STAM2: variants seen among roughly 807,000 people sequenced by gnomAD.
STAM2 encodes the protein signal transducing adapter molecule 2.
Under a neutral mutation model 65.6 loss-of-function variants are expected in STAM2, and 51 were observed. The observed-to-expected ratio is 0.78, with a 90% CI of 0.62 to 0.98. STAM2 has a LOEUF of 0.98. STAM2 is among the 50% of genes least tolerant of loss of function. The probability of loss-of-function intolerance (pLI) is 0.00; values close to 1 mark genes in which losing one functional copy is unlikely to be tolerated. For missense variants in STAM2, 584 were observed against 617.8 expected (o/e 0.95, Z 0.58); for synonymous variants, 198 against 208.4 (o/e 0.95, Z 0.43).
intron 11 of STAM2, 149 bp from the exon 12 acceptor site, chr2:152,126,528 AAG>A (rs1294340169): frequency 8.5e-6 from 4 of 472,444 alleles, no homozygotes; most frequent in African/African-American, 6.1e-5. Flanking sequence ...AAGGGAAACT[AAG>A]AGGAAGAACT....
chr2:152,160,687 G>A (rs1168879520), intron 1 of STAM2, among the ~76,000 whole-genome samples: 10 of 148,896 alleles, frequency 6.7e-5, no homozygotes, highest in East Asian at 4.1e-4. Context: ...CACCCCGTCC[G>A]GGAGGGAGGT....
chr2:152,170,307 C>T (rs188520815), intron 1 of STAM2, among the ~76,000 whole-genome samples: 5 of 151,452 alleles, frequency 3.3e-5, no homozygotes, highest in East Asian at 2.0e-4. Context: ...TGTGAAACCC[C>T]GTCTCTACTA....
chr2:152,143,171 T>A (rs911520911), intron 7 of STAM2, among the ~76,000 whole-genome samples: 8 of 152,216 alleles, frequency 5.3e-5, no homozygotes, highest in African/African-American at 1.9e-4. Context: ...AAACCATTAT[T>A]TATCTACCCT....
At chr2:152,141,856 TG>T (rs1456528070) in intron 7 of STAM2, among the ~76,000 whole-genome samples, 1 of 152,130 alleles carries the variant, frequency 6.6e-6, no homozygotes, top group Admixed American at 6.5e-5. Context: ...CCCAAAGTGC[TG>T]GGATTACAGG....
intron 5 of STAM2, among the ~76,000 whole-genome samples, chr2:152,146,091 G>A (rs959851046): frequency 2.0e-5 from 3 of 151,760 alleles, no homozygotes; most frequent in Admixed American, 6.6e-5. Context: ...TCAACATGGT[G>A]AAACCCCGTC....
At position 152,120,398 on chromosome 2, in the gene STAM2, A is replaced by G. The variant is rs1688829044; in HGVS notation, c.*176T>C. The G allele has an allele frequency of 1.3e-5, 5 of 380,952 alleles. No individual in the cohort carries two copies. In the Admixed American group the frequency reaches 2.1e-4, roughly 16 times the overall value. 23.6% of individuals were successfully genotyped at this position (380,952 alleles called of 1,614,324 possible). On this transcript the variant is annotated 3_prime_UTR_variant, in exon 14 of 14. Coordinates refer to ENST00000263904, the MANE Select transcript of STAM2 (RefSeq NM_005843.6). ...TTGACTTCAAACAAACTGGACTGAAAAAAAAAAAAAAAAAAAACCTTTTAT... is the reference window on the plus strand; with the variant it reads ...TTGACTTCAAACAAACTGGACTGAAGAAAAAAAAAAAAAAAAACCTTTTAT...
At chr2:152,147,408 T>G in intron 4 of STAM2, 100 bp from the exon 5 acceptor site, 1 of 1,150,020 alleles carries the variant, frequency 8.7e-7, no homozygotes, top group East Asian at 2.7e-5. Flanking sequence ...TCTCTTTAAT[T>G]ATATGAACAT....
intron 7 of STAM2, among the ~76,000 whole-genome samples, chr2:152,138,627 T>C (rs1285450897): frequency 1.3e-5 from 2 of 152,232 alleles, no homozygotes; most frequent in Non-Finnish European, 2.9e-5. Flanking sequence ...TCTATGATTA[T>C]GAAACATCAT....
chr2:152,169,043 G>A (rs1435246956), intron 1 of STAM2, among the ~76,000 whole-genome samples: 1 of 152,148 alleles, frequency 6.6e-6, no homozygotes, highest in Non-Finnish European at 1.5e-5. Flanking sequence ...TACTACAGGT[G>A]TGAGCCACCA....
At position 152,150,241 on chromosome 2, in the gene STAM2, A is replaced by T. The variant is rs1301252255; in HGVS notation, c.41-12T>A. On this transcript the variant is annotated splice_polypyrimidine_tract_variant and intron_variant, in intron 1 of 13. Transcript: ENST00000263904. ...ATTCGTGGCTTTTTCTATAAAATAT[A>T]TTGGCATACACAACAATGAGGACAC... The T allele has an allele frequency of 3.2e-6, 5 of 1,557,832 alleles. No homozygotes were observed. In the South Asian group the frequency reaches 5.6e-5, roughly 17 times the overall value.
chr2:152,161,512 A>AC (rs1560222745), intron 1 of STAM2, among the ~76,000 whole-genome samples: 2 of 151,532 alleles, frequency 1.3e-5, no homozygotes. Flanking sequence ...AAAAAAAAAA[A>AC]AAAACATTAT....
intron 11 of STAM2, 119 bp from the exon 12 acceptor site, chr2:152,126,498 T>G: frequency 1.8e-6 from 1 of 563,442 alleles, no homozygotes; most frequent in Non-Finnish European, 2.7e-6. Context: ...TTTTTTATAT[T>G]TAATGAAAGA....
At chr2:152,155,496 T>A (rs1353045504) in intron 1 of STAM2, among the ~76,000 whole-genome samples, 9 of 152,182 alleles carry the variant, frequency 5.9e-5, no homozygotes, top group Non-Finnish European at 1.5e-5. Flanking sequence ...AAGTTCTAGT[T>A]CTCCTCTTGT....
At chr2:152,129,350 T>C (rs1689017768) in intron 11 of STAM2, among the ~76,000 whole-genome samples, 1 of 152,154 alleles carries the variant, frequency 6.6e-6, no homozygotes, top group African/African-American at 2.4e-5. Flanking sequence ...GGGGTCTCAC[T>C]GTATTACCCA....
Position 152,156,667 on chromosome 2 carries a change from T to A in STAM2, c.41-6438A>T, listed in dbSNP as rs542955002. On this transcript the variant is annotated intron_variant, in intron 1 of 13. Coordinates refer to ENST00000263904, the MANE Select transcript of STAM2 (RefSeq NM_005843.6). ...ATATGATAAAGAATAATTCCATCAA[T>A]ATCTACCTACAAGGAACAAAAAGGC... Among the ~76,000 whole-genome samples, 19 of 152,240 alleles carry A rather than the reference T, an allele frequency of 1.2e-4. No homozygotes were observed. In the East Asian group the frequency reaches 3.7e-3, roughly 29 times the overall value.
chr2:152,160,463 G>A (rs1329505089), intron 1 of STAM2, among the ~76,000 whole-genome samples: 11 of 149,220 alleles, frequency 7.4e-5, no homozygotes, highest in Admixed American at 2.0e-4. Context: ...CAACCGCCCC[G>A]TCTGAGAAGT....
At chr2:152,128,417 T>TAA (rs201586468) in intron 11 of STAM2, among the ~76,000 whole-genome samples, 1 of 139,450 alleles carries the variant, frequency 7.2e-6, no homozygotes. Context: ...TGTCTCAAAT[T>TAA]AAAAAAAAAA....
chr2:152,127,923 A>G (rs1365796324), intron 11 of STAM2, among the ~76,000 whole-genome samples: 3 of 152,108 alleles, frequency 2.0e-5, no homozygotes. Flanking sequence ...GGTTCTTTCT[A>G]CATAAACACA....
At chr2:152,155,120 C>T (rs118137605) in intron 1 of STAM2, among the ~76,000 whole-genome samples, 4 of 152,126 alleles carry the variant, frequency 2.6e-5, no homozygotes, top group Non-Finnish European at 5.9e-5. Context: ...CATCATGGCA[C>T]GAATTTTTGT....
Sources: allele counts gnomAD v4.1 joint callset (sites outside exome capture counted in the v4.1 genomes callset), GRCh38; gene constraint gnomAD v4.1.1; transcripts MANE v1.5; gene names NCBI Gene and HGNC (gene_info 2026-07-23, HGNC 2026-07-21).